Variants in TRIM5 observed in about 807,000 individuals in gnomAD.
TRIM5 encodes the protein tripartite motif containing 5, also known as tripartite motif-containing protein 5.
TRIM5 carries 31 observed loss-of-function variants against 35.6 expected under a neutral mutation model. The observed-to-expected ratio is 0.87, with a 90% CI of 0.65 to 1.18. TRIM5 has a LOEUF of 1.18. TRIM5 is among the 50% of genes most tolerant of loss of function. The pLI is 0.00. For synonymous variants in TRIM5, 243 were observed against 215.6 expected (o/e 1.13, Z -1.11); for missense variants, 609 against 591.6 (o/e 1.03, Z -0.31).
the TRIM5 span, among the ~76,000 whole-genome samples, chr11:5,621,073 C>T: frequency 6.6e-6 from 1 of 152,198 alleles, no homozygotes; most frequent in Non-Finnish European, 1.5e-5. Context: ...GACACACATT[C>T]CTATCTCCAG....
At chr11:5,610,879 G>A in the TRIM5 span, 4 of 1,614,192 alleles carry the variant, frequency 2.5e-6, no homozygotes, top group Non-Finnish European at 3.4e-6. Context: ...GGACCTTCCT[G>A]TCTGGAAAAG....
At chr11:5,621,754 T>A in the TRIM5 span, among the ~76,000 whole-genome samples, 1 of 152,222 alleles carries the variant, frequency 6.6e-6, no homozygotes, top group East Asian at 1.9e-4. Flanking sequence ...CCTATCTGAT[T>A]GACTCCTTTG....
the TRIM5 span, among the ~76,000 whole-genome samples, chr11:5,637,925 G>A: frequency 3.9e-5 from 6 of 152,058 alleles, no homozygotes; most frequent in South Asian, 2.1e-4. Context: ...TTTTTGTTTC[G>A]TCAATATCCA....
chr11:5,658,684 C>T (rs547956932), downstream of TRIM5, among the ~76,000 whole-genome samples: 83 of 152,308 alleles, frequency 5.4e-4, 1 homozygote, highest in South Asian at 3.7e-3. Context: ...TGGGTGAGGA[C>T]ATGAAGTTTT....
At chr11:5,605,693 T>C in the TRIM5 span, 6 of 1,158,126 alleles carry the variant, frequency 5.2e-6, no homozygotes, top group Non-Finnish European at 7.1e-6. Flanking sequence ...GGCGCTATAG[T>C]GCCTATCCCC....
chr11:5,603,024 T>C, the TRIM5 span, among the ~76,000 whole-genome samples: 2 of 152,166 alleles, frequency 1.3e-5, no homozygotes, highest in African/African-American at 4.8e-5. Context: ...GGGCCTCAGT[T>C]TGTCTCTATT....
the TRIM5 span, among the ~76,000 whole-genome samples, chr11:5,617,529 C>T: frequency 7.3e-6 from 1 of 136,106 alleles, no homozygotes; most frequent in Admixed American, 7.5e-5. Flanking sequence ...GCTCTTGTTG[C>T]CCAGGCTGGA....
chr11:5,604,861 A>G, the TRIM5 span: 5 of 488,420 alleles, frequency 1.0e-5, no homozygotes, highest in Non-Finnish European at 1.8e-5. Flanking sequence ...AACCATGGCT[A>G]GGGGTCGCCC....
the TRIM5 span, among the ~76,000 whole-genome samples, chr11:5,625,216 TAGC>T: frequency 3.9e-5 from 6 of 152,186 alleles, no homozygotes; most frequent in African/African-American, 1.4e-4. Context: ...TGCACACTGA[TAGC>T]AGCCTAGAGT....
chr11:5,608,950 T>C, the TRIM5 span, among the ~76,000 whole-genome samples: 1 of 149,620 alleles, frequency 6.7e-6, no homozygotes, highest in South Asian at 2.2e-4. Flanking sequence ...CCGTGAATTT[T>C]ATCAGAGTGA....
At chr11:5,608,846 A>ATTTTTTT in the TRIM5 span, among the ~76,000 whole-genome samples, 1 of 91,606 alleles carries the variant, frequency 1.1e-5, no homozygotes, top group Non-Finnish European at 2.1e-5. Flanking sequence ...TTTGCCCATA[A>ATTTTTTT]ATTTTTTTTT....
chr11:5,611,510 C>G, the TRIM5 span: 2,918 of 627,778 alleles, frequency 4.6e-3, 61 homozygotes, highest in South Asian at 0.037. Context: ...CTGGAGTGCA[C>G]TGGCGCAATC....
At chr11:5,648,268 A>G in the TRIM5 span, among the ~76,000 whole-genome samples, 1 of 151,950 alleles carries the variant, frequency 6.6e-6, no homozygotes, top group South Asian at 2.1e-4. Context: ...GCACTTTGGG[A>G]GGCCAAGGCA....
the TRIM5 span, chr11:5,595,344 A>G: frequency 1.3e-5 from 2 of 152,236 alleles, no homozygotes; most frequent in Non-Finnish European, 2.9e-5. Context: ...ACATGTATTC[A>G]TCAGACCTAA....
At chr11:5,632,381 T>C in the TRIM5 span, 1 of 1,614,104 alleles carries the variant, frequency 6.2e-7, no homozygotes, top group Non-Finnish European at 8.5e-7. Flanking sequence ...ACCTGTCCCA[T>C]CTGCCTGGAG....
the TRIM5 span, among the ~76,000 whole-genome samples, chr11:5,638,105 A>C: frequency 6.6e-6 from 1 of 152,224 alleles, no homozygotes; most frequent in East Asian, 1.9e-4. Context: ...TACCAGCCAC[A>C]CAGTGATTAT....
At chr11:5,672,883 T>C (rs902460173) in intron 4 of TRIM5, among the ~76,000 whole-genome samples, 50 of 152,018 alleles carry the variant, frequency 3.3e-4, no homozygotes, top group African/African-American at 1.1e-3. Context: ...AAGATGCATA[T>C]TGTAATCATT....
chr11:5,643,614 A>G, the TRIM5 span: 1 of 1,614,074 alleles, frequency 6.2e-7, no homozygotes, highest in Non-Finnish European at 8.5e-7. Context: ...CCTCATTTAC[A>G]AGTTCTCTAA....
the TRIM5 span, among the ~76,000 whole-genome samples, chr11:5,607,265 T>A: frequency 6.6e-6 from 1 of 151,954 alleles, no homozygotes; most frequent in African/African-American, 2.4e-5. Context: ...AAAGCCAACA[T>A]AAGAGAAGTA....
Sources: gnomAD v4.1 joint callset for allele counts (sites outside exome capture counted in the v4.1 genomes callset) on GRCh38, gnomAD v4.1.1 for gene constraint, MANE v1.5 for transcripts, NCBI Gene and HGNC (gene_info 2026-07-23, HGNC 2026-07-21) for gene names.